The following FAM135B variants were observed in gnomAD, a reference collection of about 807,000 sequenced individuals.
FAM135B encodes protein FAM135B.
Under a neutral mutation model 127.7 loss-of-function variants are expected in FAM135B, and 43 were observed. That is an observed-to-expected ratio of 0.34 (90% CI 0.26 to 0.43). The LOEUF is 0.43. FAM135B is among the 20% of genes least tolerant of loss of function. The pLI, the probability that FAM135B is intolerant of heterozygous loss-of-function variation, is 1.00. For missense variants in FAM135B, 1,558 were observed against 1,725.6 expected, an observed-to-expected ratio of 0.90 and a Z score of 1.72; for synonymous variants, 670 against 665.1, an observed-to-expected ratio of 1.01 and a Z score of -0.11.
chr8:138,212,105 T>A (rs1458922005), intron 7 of FAM135B, among the ~76,000 whole-genome samples: 2 of 152,058 alleles, frequency 1.3e-5, no homozygotes, highest in African/African-American at 4.8e-5. Flanking sequence ...ATAATAGCAA[T>A]TACCTATTAG....
rs547003138 is a variant in FAM135B, at chr8:138,177,849, T to C, written c.1030-429A>G. On this transcript the variant is annotated intron_variant, in intron 10 of 19. Transcript: ENST00000395297. ...GTTTTGTCATCTTGTTCTAACTAGA[T>C]GTTGATCTAAATACCAGCATATTTA... is the stretch of plus-strand genomic sequence containing the variant. 2.4e-4 allele frequency among the ~76,000 whole-genome samples: 36 copies of C among 152,370 alleles called. No individual in the cohort carries two copies. The South Asian group carries it at 7.2e-3, about 31-fold the overall frequency.
intron 13 of FAM135B, among the ~76,000 whole-genome samples, chr8:138,149,301 C>T (rs1817928846): frequency 6.6e-6 from 1 of 152,026 alleles, no homozygotes; most frequent in Non-Finnish European, 1.5e-5. Flanking sequence ...GCTCCAAGGC[C>T]CCATGCAATC....
At chr8:138,146,963 C>A (rs930624925) in intron 14 of FAM135B, among the ~76,000 whole-genome samples, 1 of 151,974 alleles carries the variant, frequency 6.6e-6, no homozygotes, top group Admixed American at 6.6e-5. Context: ...ATGAAACTAC[C>A]CAATGATTCA....
intron 9 of FAM135B, among the ~76,000 whole-genome samples, chr8:138,181,258 A>G (rs1199262791): frequency 6.6e-6 from 1 of 152,160 alleles, no homozygotes; most frequent in Non-Finnish European, 1.5e-5. Context: ...AAAGAAGAAA[A>G]GAAAAGTAAA....
In FAM135B at chr8:138,222,678, G is replaced by T. The variant is rs111643739; in HGVS notation, c.669+20264C>A. The stretch of plus-strand genomic sequence containing the variant: ...TGTTTGTAGGATTTTTGTTGGTGGT[G>T]TTTTTTTTTTTTTTTTTTTTTTTAA... On this transcript the variant is annotated intron_variant, in intron 7 of 19. Transcript: ENST00000395297. 2.2e-3 allele frequency among the ~76,000 whole-genome samples: 231 copies of T among 103,998 alleles called. 3 individuals carry two copies. Among genetic ancestry groups the T allele is most frequent in the East Asian group, 5.4e-3 (17 of 3,172 alleles). The allele number at this position is 103,998 out of a possible 152,430, so 68.2% of individuals were successfully genotyped here.
intron 2 of FAM135B, among the ~76,000 whole-genome samples, chr8:138,356,631 C>G (rs1512391): frequency 0.94 from 142,744 of 152,212 alleles, 67,200 homozygotes; most frequent in Non-Finnish European, 0.99. Flanking sequence ...GGTCTGAGAA[C>G]ACAATGTATG....
At chr8:138,306,902 T>C (rs914777756) in intron 3 of FAM135B, among the ~76,000 whole-genome samples, 2 of 152,162 alleles carry the variant, frequency 1.3e-5, no homozygotes, top group African/African-American at 4.8e-5. Context: ...TATCATTCTT[T>C]AAGGCCATTG....
At chr8:138,320,551 C>A (rs540517957) in intron 2 of FAM135B, among the ~76,000 whole-genome samples, 1 of 152,302 alleles carries the variant, frequency 6.6e-6, no homozygotes, top group African/African-American at 2.4e-5. Context: ...CTCAAAAGCA[C>A]CTTGAGAACA....
intron 2 of FAM135B, among the ~76,000 whole-genome samples, chr8:138,339,256 T>C (rs937372341): frequency 3.3e-5 from 5 of 151,924 alleles, no homozygotes; most frequent in Non-Finnish European, 7.4e-5. Flanking sequence ...ATTTAAAGTA[T>C]AATTTAAAAA....
chr8:138,494,836 T>TAAAAA (rs112803082), intron 1 of FAM135B, among the ~76,000 whole-genome samples: 8 of 105,764 alleles, frequency 7.6e-5, no homozygotes, highest in Non-Finnish European at 1.3e-4. Flanking sequence ...GTTTATACTG[T>TAAAAA]AAAAAAAAAA....
In FAM135B at chr8:138,152,826, A is replaced by C. The variant is rs2130782848; in HGVS notation, c.1649T>G (p.Val550Gly). The C allele has an allele frequency of 1.9e-6, 3 of 1,614,216 alleles. No individual in the cohort carries two copies. In the South Asian group the frequency reaches 3.3e-5, roughly 18 times the overall value. ...SPGPEDGQAP[V>G]LTYIDVKSSN... Reference sequence around the variant, plus strand: ...AGATTTTACGTCAATGTAGGTCAGCACTGGGGCCTGTCCATCCTCTGGACC... The same window carrying C: ...AGATTTTACGTCAATGTAGGTCAGCCCTGGGGCCTGTCCATCCTCTGGACC... The change falls in exon 13 of 20, where the codon GTG becomes GGG. Residue 550 changes from valine (V) to glycine (G), a missense_variant. Val to Gly is a moderately radical substitution (Grantham distance 109). Coordinates refer to ENST00000395297, the MANE Select transcript of FAM135B (RefSeq NM_015912.4).
intron 7 of FAM135B, among the ~76,000 whole-genome samples, chr8:138,198,856 G>T (rs13266670): frequency 0.74 from 112,508 of 152,038 alleles, 42,029 homozygotes; most frequent in East Asian, 0.83. Context: ...GAAAGGAATC[G>T]TGTGGGAAAA....
chr8:138,408,920 T>C (rs1423580920), intron 1 of FAM135B, among the ~76,000 whole-genome samples: 2 of 152,208 alleles, frequency 1.3e-5, no homozygotes, highest in African/African-American at 4.8e-5. Flanking sequence ...TTTGGTCTTC[T>C]ATTCAAACCA....
chr8:138,467,502 G>A (rs924036163), intron 1 of FAM135B, among the ~76,000 whole-genome samples: 1 of 152,170 alleles, frequency 6.6e-6, no homozygotes, highest in East Asian at 1.9e-4. Context: ...AGGTGTATAG[G>A]ATATGTTTTA....
chr8:138,254,391 T>G (rs1821920642), intron 5 of FAM135B, among the ~76,000 whole-genome samples: 1 of 152,140 alleles, frequency 6.6e-6, no homozygotes, highest in Non-Finnish European at 1.5e-5. Context: ...GAGCTTGGAG[T>G]TAGCAGCAGG....
chr8:138,489,496 T>A (rs1435280456), intron 1 of FAM135B, among the ~76,000 whole-genome samples: 2 of 152,160 alleles, frequency 1.3e-5, no homozygotes, highest in African/African-American at 4.8e-5. Flanking sequence ...ATGCCTCCTG[T>A]ATAATTTACT....
At chr8:138,384,503 C>A (rs980903990) in intron 1 of FAM135B, among the ~76,000 whole-genome samples, 1 of 152,086 alleles carries the variant, frequency 6.6e-6, no homozygotes, top group Non-Finnish European at 1.5e-5. Context: ...GACTCAAGAA[C>A]CCAGACTGGC....
intron 1 of FAM135B, among the ~76,000 whole-genome samples, chr8:138,386,518 G>C (rs1444505359): frequency 6.6e-6 from 1 of 152,200 alleles, no homozygotes; most frequent in Non-Finnish European, 1.5e-5. Context: ...AAGAATGGAA[G>C]ATGAAGGAAG....
intron 1 of FAM135B, among the ~76,000 whole-genome samples, chr8:138,384,526 G>T (rs1005746718): frequency 6.6e-6 from 1 of 152,114 alleles, no homozygotes; most frequent in African/African-American, 2.4e-5. Context: ...AGGCTCTACT[G>T]CAATAGGTCA....
Sources: gnomAD v4.1 joint callset for allele counts (sites outside exome capture counted in the v4.1 genomes callset) on GRCh38, gnomAD v4.1.1 for gene constraint, MANE v1.5 for transcripts, NCBI Gene and HGNC (gene_info 2026-07-23, HGNC 2026-07-21) for gene names.